PAK3: variants seen among roughly 807,000 people sequenced by gnomAD.
PAK3 encodes the protein serine/threonine-protein kinase PAK 3.
In PAK3, 4 loss-of-function variants were observed where a neutral mutation model predicts 41.0. The observed-to-expected ratio is 0.10, with a 90% CI of 0.05 to 0.22. The LOEUF (loss-of-function observed/expected upper bound fraction) is 0.22, where lower values mean the gene tolerates loss of function less well. Among genes scored for constraint, PAK3 ranks in the 10% least tolerant of loss-of-function variants. PAK3 has a pLI of 1.00. For synonymous variants in PAK3, 146 were observed against 139.6 expected, an observed-to-expected ratio of 1.05 and a Z score of -0.32; for missense variants, 205 against 409.9, an observed-to-expected ratio of 0.50 and a Z score of 4.32.
At chrX:111,118,329 G>C (rs2093504280) in intron 4 of PAK3, among the ~76,000 whole-genome samples, 1 of 111,344 alleles carries the variant, frequency 9.0e-6, no homozygotes, top group Non-Finnish European at 1.9e-5. Flanking sequence ...TCCCAGTCAA[G>C]TCTATGCCTG....
At chrX:110,972,647 C>T (rs1321584380) in intron 1 of PAK3, among the ~76,000 whole-genome samples, 1 of 111,598 alleles carries the variant, frequency 9.0e-6, no homozygotes, top group Non-Finnish European at 1.9e-5. Context: ...AATCAGAGTG[C>T]CTCTTCTCCT....
At chrX:111,071,844 A>G (rs1203062949) in intron 1 of PAK3, among the ~76,000 whole-genome samples, 2 of 112,103 alleles carry the variant, frequency 1.8e-5, no homozygotes, top group Admixed American at 9.5e-5. Flanking sequence ...GAATTTTCCC[A>G]TTAAGTTTCT....
chrX:111,021,463 A>T (rs1327847949), intron 1 of PAK3, among the ~76,000 whole-genome samples: 2 of 112,149 alleles, frequency 1.8e-5, no homozygotes, highest in Non-Finnish European at 3.8e-5. Context: ...CTTAGCTCTC[A>T]GGAAGCCTCT....
chrX:111,073,867 C>A (rs934060466), intron 1 of PAK3, among the ~76,000 whole-genome samples: 2 of 111,874 alleles, frequency 1.8e-5, no homozygotes, highest in Non-Finnish European at 3.8e-5. Flanking sequence ...GCCAGAATTA[C>A]CTTGATACCA....
chrX:111,103,716 A>G (rs773637084), intron 4 of PAK3, among the ~76,000 whole-genome samples: 19 of 111,266 alleles, frequency 1.7e-4, no homozygotes, highest in Non-Finnish European at 3.0e-4. Flanking sequence ...AGTTCCTATG[A>G]TTTCTACTGC....
At chrX:111,154,804 C>T (rs1321058397) in intron 8 of PAK3, among the ~76,000 whole-genome samples, 1 of 111,542 alleles carries the variant, frequency 9.0e-6, no homozygotes, top group East Asian at 2.8e-4. Context: ...TCAACACATA[C>T]TTTACCTCCT....
chrX:111,202,934 G>T (rs919334818), intron 16 of PAK3, among the ~76,000 whole-genome samples: 89 of 111,729 alleles, frequency 8.0e-4, no homozygotes, highest in Admixed American at 1.3e-3. Context: ...AGATTGGATC[G>T]CTGGAAGACA....
intron 1 of PAK3, among the ~76,000 whole-genome samples, chrX:111,023,515 A>G (rs2092222620): frequency 8.9e-6 from 1 of 112,291 alleles, no homozygotes; most frequent in Non-Finnish European, 1.9e-5. Flanking sequence ...CCAACAGTGT[A>G]AAAGTGTTCC....
At chrX:111,000,363 A>C (rs2091826776) in intron 1 of PAK3, among the ~76,000 whole-genome samples, 1 of 112,320 alleles carries the variant, frequency 8.9e-6, no homozygotes, top group Non-Finnish European at 1.9e-5. Context: ...TTCTTGCCAA[A>C]AAATGCACTA....
At chrX:110,953,720 T>C (rs1391480222) in intron 1 of PAK3, among the ~76,000 whole-genome samples, 1 of 111,938 alleles carries the variant, frequency 8.9e-6, no homozygotes, top group Non-Finnish European at 1.9e-5. Flanking sequence ...GATATGAAAC[T>C]GCACTTGAGG....
intron 1 of PAK3, among the ~76,000 whole-genome samples, chrX:111,065,224 T>C (rs983096296): frequency 9.0e-5 from 10 of 111,524 alleles, no homozygotes; most frequent in Non-Finnish European, 1.5e-4. Flanking sequence ...TTTTGAGGTA[T>C]GTTCCTTTAA....
intron 1 of PAK3, among the ~76,000 whole-genome samples, chrX:111,070,923 T>C (rs1371644596): frequency 1.8e-5 from 2 of 112,040 alleles, no homozygotes; most frequent in Non-Finnish European, 3.8e-5. Context: ...GGGAGAATTT[T>C]CATACCTGAC....
rs923290643 is a variant in PAK3, at chrX:111,052,249, C to T, written c.-27-70828C>T. ...AGCAAGCATTGAAGAAGCAGGCAAG[C>T]ATCAGAGGTGAGGAACAACCTATAA... is the stretch of plus-strand genomic sequence containing the variant. On this transcript the variant is annotated intron_variant, in intron 1 of 14. Coordinates refer to the PAK3 transcript ENST00000425146. Among the ~76,000 whole-genome samples the T allele has an allele frequency of 6.2e-5, 7 of 112,614 alleles. No homozygotes were observed. The Admixed American group carries it at 6.6e-4, about 11-fold the overall frequency.
chrX:111,131,220 TA>T (rs747765572), intron 5 of PAK3, among the ~76,000 whole-genome samples: 58 of 111,418 alleles, frequency 5.2e-4, no homozygotes, highest in Non-Finnish European at 9.1e-4. Context: ...CTAGCTTTTG[TA>T]AAAAAGAAAA....
At chrX:110,994,803 C>T (rs1240373729) in intron 1 of PAK3, among the ~76,000 whole-genome samples, 1 of 111,438 alleles carries the variant, frequency 9.0e-6, no homozygotes, top group African/African-American at 3.3e-5. Context: ...CCTAGTTATC[C>T]TCATCTATGG....
Position 111,088,024 on chromosome X carries a change from T to C in PAK3, c.-27-35053T>C, listed in dbSNP as rs897599569. On this transcript the variant is annotated intron_variant, in intron 1 of 14. Transcript: ENST00000425146. ...AGTGGTTCCCAAATTTTGCTGCACATCGGAATCTGAGATTAGAACCTGAGG... is the reference window on the plus strand; with the variant it reads ...AGTGGTTCCCAAATTTTGCTGCACACCGGAATCTGAGATTAGAACCTGAGG... 5.4e-5 allele frequency among the ~76,000 whole-genome samples: 6 copies of C among 110,750 alleles called. No homozygotes were observed. In the East Asian group the frequency reaches 1.4e-3, roughly 26 times the overall value.
At chrX:111,160,922 A>G (rs1448090643) in intron 8 of PAK3, among the ~76,000 whole-genome samples, 1 of 112,580 alleles carries the variant, frequency 8.9e-6, no homozygotes, top group African/African-American at 3.2e-5. Flanking sequence ...GCCACAATAA[A>G]CATACGTGTG....
chrX:111,171,399 A>G (rs2094339140), intron 10 of PAK3, among the ~76,000 whole-genome samples: 1 of 110,112 alleles, frequency 9.1e-6, no homozygotes, highest in Non-Finnish European at 1.9e-5. Flanking sequence ...CCTTCAAAGT[A>G]TACCCTTGAG....
chrX:111,171,886 G>T (rs1415857184), intron 10 of PAK3, among the ~76,000 whole-genome samples: 3 of 111,964 alleles, frequency 2.7e-5, no homozygotes, highest in Non-Finnish European at 5.7e-5. Context: ...TCATATGTCA[G>T]TAAATCTGTT....
Sources: gnomAD v4.1 joint callset for allele counts (sites outside exome capture counted in the v4.1 genomes callset) on GRCh38, gnomAD v4.1.1 for gene constraint, MANE v1.5 for transcripts, NCBI Gene and HGNC (gene_info 2026-07-23, HGNC 2026-07-21) for gene names.